Variants in ST8SIA6 observed in about 807,000 individuals in gnomAD.
The protein encoded by ST8SIA6 is alpha-2,8-sialyltransferase 8F.
ST8SIA6 carries 39 observed loss-of-function variants against 33.6 expected under a neutral mutation model. The ratio of observed to expected loss-of-function variants is 1.16; its 90% CI spans 0.90 to 1.52. ST8SIA6 has a LOEUF of 1.52. ST8SIA6 is among the 40% of genes most tolerant of loss of function. ST8SIA6 has a pLI of 0.00. For synonymous variants in ST8SIA6, 172 were observed against 167.2 expected, an observed-to-expected ratio of 1.03 and a Z score of -0.22; for missense variants, 441 against 443.8, an observed-to-expected ratio of 0.99 and a Z score of 0.06.
At chr10:17,439,824 A>G (rs1852408007) in intron 2 of ST8SIA6, among the ~76,000 whole-genome samples, 1 of 152,234 alleles carries the variant, frequency 6.6e-6, no homozygotes, top group East Asian at 1.9e-4. Flanking sequence ...GCTATCTCCC[A>G]GGAGGAAATG....
intron 2 of ST8SIA6, among the ~76,000 whole-genome samples, chr10:17,449,223 A>G (rs1438298602): frequency 6.6e-6 from 1 of 152,046 alleles, no homozygotes; most frequent in African/African-American, 2.4e-5. Context: ...TATTAAGTTG[A>G]AAAAATAGAA....
chr10:17,448,553 G>A (rs903427270), intron 2 of ST8SIA6, among the ~76,000 whole-genome samples: 1 of 152,078 alleles, frequency 6.6e-6, no homozygotes, highest in African/African-American at 2.4e-5. Context: ...TCTAATGATT[G>A]GATATTTGGG....
rs552150714 is a variant in ST8SIA6, at chr10:17,316,446, C to T, written c.*4432G>A. Among the ~76,000 whole-genome samples, 49 of 152,154 alleles carry T rather than the reference C, an allele frequency of 3.2e-4. No individual in the cohort carries two copies. In the South Asian group the frequency reaches 8.1e-3, roughly 25 times the overall value. On this transcript the variant is annotated 3_prime_UTR_variant, in exon 8 of 8. Coordinates refer to ENST00000377602, the MANE Select transcript of ST8SIA6 (RefSeq NM_001004470.3). ...TGAGTCCAATTTGTCTACTTACTAC[C>T]GCAAACCATAATGGAATAAATACCT...
intron 4 of ST8SIA6, 114 bp from the exon 5 acceptor site, chr10:17,331,666 G>C (rs1848306157): frequency 9.3e-7 from 1 of 1,073,882 alleles, no homozygotes; most frequent in Admixed American, 3.6e-5. Context: ...TCAAAAAGAA[G>C]ATAATTATTC....
intron 4 of ST8SIA6, among the ~76,000 whole-genome samples, 192 bp downstream of exon 4, chr10:17,359,322 T>G (rs924242281): frequency 4.6e-5 from 7 of 152,190 alleles, no homozygotes; most frequent in Admixed American, 1.3e-4. Flanking sequence ...AACAGTAACA[T>G]AATGCAAATT....
At chr10:17,321,683 G>A (rs1044975559) in intron 7 of ST8SIA6, among the ~76,000 whole-genome samples, 4 of 152,068 alleles carry the variant, frequency 2.6e-5, no homozygotes, top group East Asian at 1.9e-4. Flanking sequence ...CCTTCCAAAT[G>A]TATAATGATA....
Position 17,446,753 on chromosome 10 carries a change from A to C in ST8SIA6, c.200+6806T>G, listed in dbSNP as rs938334837. Among the ~76,000 whole-genome samples the C allele has an allele frequency of 5.3e-5, 8 of 152,248 alleles. No homozygotes were observed. The East Asian group carries it at 1.5e-3, about 29-fold the overall frequency. On this transcript the variant is annotated intron_variant, in intron 2 of 7. Coordinates refer to ENST00000377602, the MANE Select transcript of ST8SIA6 (RefSeq NM_001004470.3). ...CACAAAATAGAGGAAAAATGTCTAC[A>C]AAGCTTTAAGAATAAAAAGAAAAAA... is the stretch of plus-strand genomic sequence containing the variant.
chr10:17,441,304 C>CTTTATTTATTTATTTATTTATTTA (rs34815790), intron 2 of ST8SIA6, among the ~76,000 whole-genome samples: 27 of 148,224 alleles, frequency 1.8e-4, no homozygotes, highest in South Asian at 6.4e-4. Context: ...TCTAAATTAT[C>CTTTATTTATTTATTTATTTATTTA]TTTATTTATT....
chr10:17,345,447 C>T (rs531519446), intron 4 of ST8SIA6, among the ~76,000 whole-genome samples: 19 of 152,246 alleles, frequency 1.2e-4, no homozygotes, highest in African/African-American at 4.3e-4. Flanking sequence ...GGACTCAGCT[C>T]CCCAGAAGAC....
intron 2 of ST8SIA6, among the ~76,000 whole-genome samples, chr10:17,418,729 A>T (rs1489683212): frequency 6.6e-6 from 1 of 152,220 alleles, no homozygotes; most frequent in African/African-American, 2.4e-5. Flanking sequence ...GCGATGGCTC[A>T]TGCCTGTAAT....
intron 4 of ST8SIA6, among the ~76,000 whole-genome samples, chr10:17,338,190 A>T (rs1848567428): frequency 6.6e-6 from 1 of 152,080 alleles, no homozygotes; most frequent in South Asian, 2.1e-4. Flanking sequence ...ATGTGCCACC[A>T]CATCTGACTA....
At chr10:17,451,860 G>A (rs1192280852) in intron 2 of ST8SIA6, among the ~76,000 whole-genome samples, 1 of 152,008 alleles carries the variant, frequency 6.6e-6, no homozygotes, top group African/African-American at 2.4e-5. Flanking sequence ...ACACAGAATG[G>A]TATAAATTTT....
At chr10:17,401,145 CAGAG>C (rs1225450486) in intron 2 of ST8SIA6, among the ~76,000 whole-genome samples, 2 of 152,062 alleles carry the variant, frequency 1.3e-5, no homozygotes, top group African/African-American at 2.4e-5. Flanking sequence ...AACAGACAAA[CAGAG>C]AGCCAAATCA....
rs375878244 is a variant in ST8SIA6 at position 17,413,050 on chromosome 10, A to C, written c.201-22430T>G. On this transcript the variant is annotated intron_variant, in intron 2 of 7. Coordinates refer to ENST00000377602, the MANE Select transcript of ST8SIA6 (RefSeq NM_001004470.3). The stretch of plus-strand genomic sequence containing the variant: ...TAAATCCATATAAGTGCACATTAGT[A>C]TAAGAGAACTAAGGAGAATTTGAGA... 1.2e-4 allele frequency among the ~76,000 whole-genome samples: 18 copies of C among 152,338 alleles called. No individual in the cohort carries two copies. In the East Asian group the frequency reaches 1.9e-3, roughly 16 times the overall value.
intron 4 of ST8SIA6, among the ~76,000 whole-genome samples, chr10:17,351,930 G>C (rs1317997286): frequency 6.6e-6 from 1 of 152,094 alleles, no homozygotes; most frequent in East Asian, 1.9e-4. Context: ...CAAAGTTTCA[G>C]TTGGGCAGAA....
chr10:17,318,608 A>C lies in ST8SIA6; in HGVS notation c.*2270T>G, dbSNP rs1211865274. 2.2e-6 allele frequency: 1 copy of C among 459,472 alleles called. No homozygotes were observed. Among genetic ancestry groups the C allele is most frequent in the Admixed American group, 2.5e-5 (1 of 40,180 alleles). 28.5% of individuals were successfully genotyped at this position (459,472 alleles called of 1,614,324 possible). On this transcript the variant is annotated 3_prime_UTR_variant, in exon 8 of 8. Coordinates refer to ENST00000377602, the MANE Select transcript of ST8SIA6 (RefSeq NM_001004470.3). Reference sequence around the variant, plus strand: ...AGTTTTAAGAGCAGAAGATCACATTAGATCTAACAATATTTAAGCAATGCT... The same window carrying C: ...AGTTTTAAGAGCAGAAGATCACATTCGATCTAACAATATTTAAGCAATGCT...
intron 2 of ST8SIA6, among the ~76,000 whole-genome samples, chr10:17,395,180 C>G (rs1850763740): frequency 1.3e-5 from 2 of 152,154 alleles, no homozygotes; most frequent in South Asian, 4.1e-4. Flanking sequence ...TTGTCTACCA[C>G]CAAGTAAGAC....
At chr10:17,351,832 A>G (rs1447593787) in intron 4 of ST8SIA6, among the ~76,000 whole-genome samples, 3 of 152,216 alleles carry the variant, frequency 2.0e-5, no homozygotes, top group Non-Finnish European at 4.4e-5. Context: ...TCTCACTTAC[A>G]TGTGGAATCT....
At chr10:17,420,482 T>C (rs912040507) in intron 2 of ST8SIA6, among the ~76,000 whole-genome samples, 19 of 152,188 alleles carry the variant, frequency 1.2e-4, no homozygotes, top group Non-Finnish European at 8.8e-5. Context: ...GTGAAAGTCA[T>C]GTGAATATTT....
Sources: allele counts gnomAD v4.1 joint callset (sites outside exome capture counted in the v4.1 genomes callset), GRCh38; gene constraint gnomAD v4.1.1; transcripts MANE v1.5; gene names NCBI Gene and HGNC (gene_info 2026-07-23, HGNC 2026-07-21).